SEMA5A: variants seen among roughly 807,000 people sequenced by gnomAD.
SEMA5A encodes the protein semaphorin 5A.
Under a neutral mutation model 135.5 loss-of-function variants are expected in SEMA5A, and 55 were observed. That is an observed-to-expected ratio of 0.41 (90% CI 0.33 to 0.51). The LOEUF (loss-of-function observed/expected upper bound fraction) is 0.51, where lower values mean the gene tolerates loss of function less well. Among genes scored for constraint, SEMA5A ranks in the 20% least tolerant of loss-of-function variants. The pLI is 0.37. For missense variants in SEMA5A, 1,290 were observed against 1,419.9 expected (o/e 0.91, Z 1.47); for synonymous variants, 580 against 546.5 (o/e 1.06, Z -0.85).
At position 9,335,995 on chromosome 5, in the gene SEMA5A, TA is replaced by T. The variant is rs563519278; in HGVS notation, c.224+1717del. 5.7e-3 allele frequency among the ~76,000 whole-genome samples: 834 copies of T among 145,420 alleles called. 6 individuals carry two copies. The highest frequency in any genetic ancestry group is 0.017 in the African/African-American group (696 of 39,816). On this transcript the variant is annotated intron_variant, in intron 4 of 22. Transcript: ENST00000382496. Reference sequence around the variant, plus strand: ...TGCAATATTGTACATTAAGTGCAGTTAAAAAAAAAAAGTAGATGTCCAGTAT... The same window carrying T: ...TGCAATATTGTACATTAAGTGCAGTTAAAAAAAAAAGTAGATGTCCAGTAT...
chr5:9,332,132 A>G (rs950937088), intron 4 of SEMA5A, among the ~76,000 whole-genome samples: 6 of 151,690 alleles, frequency 4.0e-5, no homozygotes, highest in African/African-American at 1.5e-4. Context: ...TGGTACTCAC[A>G]CTGGGTCAGG....
At chr5:9,501,425 A>C (rs981411886) in intron 1 of SEMA5A, among the ~76,000 whole-genome samples, 1 of 152,220 alleles carries the variant, frequency 6.6e-6, no homozygotes, top group African/African-American at 2.4e-5. Context: ...TACTGTATTA[A>C]GTATACATAT....
intron 16 of SEMA5A, among the ~76,000 whole-genome samples, chr5:9,077,073 CTT>C (rs1738108279): frequency 6.6e-6 from 1 of 152,288 alleles, no homozygotes; most frequent in South Asian, 2.1e-4. Flanking sequence ...CACAGGGTAA[CTT>C]AGGAGAACTT....
At chr5:9,217,033 T>G (rs1414037183) in intron 8 of SEMA5A, among the ~76,000 whole-genome samples, 1 of 152,202 alleles carries the variant, frequency 6.6e-6, no homozygotes, top group African/African-American at 2.4e-5. Flanking sequence ...TGTTGTTAGC[T>G]GGTTATTATG....
At position 9,309,770 on chromosome 5, in the gene SEMA5A, C is replaced by T. The variant is rs188187923; in HGVS notation, c.270+8602G>A. On this transcript the variant is annotated intron_variant, in intron 5 of 22. Transcript: ENST00000382496. Reference sequence around the variant, plus strand: ...CTCTGAAACTAGTAAAATCTTAGTCCTCATCTACATAAAATATACATAATC... The same window carrying T: ...CTCTGAAACTAGTAAAATCTTAGTCTTCATCTACATAAAATATACATAATC... Among the ~76,000 whole-genome samples the T allele has an allele frequency of 2.6e-5, 4 of 152,168 alleles. No individual in the cohort carries two copies. The East Asian group carries it at 7.7e-4, about 29-fold the overall frequency.
At chr5:9,537,906 C>T (rs1197993964) in intron 1 of SEMA5A, among the ~76,000 whole-genome samples, 3 of 152,202 alleles carry the variant, frequency 2.0e-5, no homozygotes, top group African/African-American at 4.8e-5. Context: ...TCCCCAAAGC[C>T]ATGCTGAGTG....
chr5:9,156,970 T>C (rs944897762), intron 11 of SEMA5A, among the ~76,000 whole-genome samples: 4 of 152,230 alleles, frequency 2.6e-5, no homozygotes, highest in African/African-American at 9.6e-5. Context: ...TTTTACTGCA[T>C]ATTTCTGCAT....
chr5:9,391,960 G>A (rs911252212), intron 2 of SEMA5A, among the ~76,000 whole-genome samples: 4 of 151,868 alleles, frequency 2.6e-5, no homozygotes, highest in African/African-American at 4.8e-5. Flanking sequence ...CTGTGCTCCC[G>A]CCACACACAT....
chr5:9,073,787 T>C (rs1258287258), intron 16 of SEMA5A, among the ~76,000 whole-genome samples: 4 of 152,096 alleles, frequency 2.6e-5, no homozygotes, highest in Non-Finnish European at 5.9e-5. Context: ...AATGTAAATA[T>C]AAAATATTAT....
intron 2 of SEMA5A, among the ~76,000 whole-genome samples, chr5:9,395,374 T>G (rs930511872): frequency 1.3e-5 from 2 of 152,236 alleles, no homozygotes; most frequent in South Asian, 2.1e-4. Context: ...TCATGTAAAG[T>G]TGGGCCAAAA....
At chr5:9,096,746 T>TA (rs963708950) in intron 16 of SEMA5A, among the ~76,000 whole-genome samples, 25 of 151,638 alleles carry the variant, frequency 1.6e-4, no homozygotes, top group African/African-American at 4.1e-4. Flanking sequence ...TACAACATGA[T>TA]AAAAAAAATA....
intron 1 of SEMA5A, among the ~76,000 whole-genome samples, chr5:9,442,030 C>A (rs529915169): frequency 5.6e-4 from 86 of 152,260 alleles, no homozygotes; most frequent in Admixed American, 2.0e-3. Context: ...GGGTAAAAAG[C>A]CGCCACCAGA....
At chr5:9,421,172 C>A (rs1362894650) in intron 2 of SEMA5A, among the ~76,000 whole-genome samples, 1 of 152,212 alleles carries the variant, frequency 6.6e-6, no homozygotes, top group African/African-American at 2.4e-5. Context: ...TCTGTATCTT[C>A]CTCCATGTTT....
rs113489169 is a variant in SEMA5A, at chr5:9,176,450, G to C, written c.1273+13817C>G. The stretch of plus-strand genomic sequence containing the variant: ...TAGCTGGCATCCTGATTGCAGCCTA[G>C]TGAAACCCTGAACGGAGGACCCAGC... On this transcript the variant is annotated intron_variant, in intron 11 of 22. Transcript: ENST00000382496. 5.0e-3 allele frequency among the ~76,000 whole-genome samples: 760 copies of C among 152,348 alleles called. 8 individuals are homozygous for C. Among genetic ancestry groups the C allele is most frequent in the African/African-American group, 0.018 (732 of 41,576 alleles).
At chr5:9,071,123 A>T (rs755219592) in intron 16 of SEMA5A, among the ~76,000 whole-genome samples, 1 of 152,226 alleles carries the variant, frequency 6.6e-6, no homozygotes, top group African/African-American at 2.4e-5. Context: ...AATGCTTACT[A>T]AAGCAATTAT....
Position 9,378,237 on chromosome 5 carries a change from G to A in SEMA5A, c.124+1586C>T, listed in dbSNP as rs954548246. On this transcript the variant is annotated intron_variant, in intron 3 of 22. Transcript: ENST00000382496. Reference sequence around the variant, plus strand: ...ATAAAAGTATAAATTGATGGGGGGCGGGGAACATTTATTTTGCCTTTCCTG... The same window carrying A: ...ATAAAAGTATAAATTGATGGGGGGCAGGGAACATTTATTTTGCCTTTCCTG... 3.3e-5 allele frequency among the ~76,000 whole-genome samples: 5 copies of A among 152,150 alleles called. No homozygotes were observed. In the South Asian group the frequency reaches 6.3e-4, roughly 19 times the overall value.
At chr5:9,074,363 C>T (rs1002555629) in intron 16 of SEMA5A, among the ~76,000 whole-genome samples, 2 of 151,926 alleles carry the variant, frequency 1.3e-5, no homozygotes, top group Non-Finnish European at 2.9e-5. Flanking sequence ...GGATCATAGC[C>T]CAATATCTAA....
At chr5:9,145,900 C>T (rs955940989) in intron 12 of SEMA5A, among the ~76,000 whole-genome samples, 1 of 151,890 alleles carries the variant, frequency 6.6e-6, no homozygotes, top group Non-Finnish European at 1.5e-5. Flanking sequence ...CCTCCTTGGC[C>T]TCCCAAAGTG....
chr5:9,332,434 G>A (rs1266696282), intron 4 of SEMA5A, among the ~76,000 whole-genome samples: 3 of 151,206 alleles, frequency 2.0e-5, no homozygotes. Flanking sequence ...CTTTAGGCTA[G>A]TACTCACATT....
Sources: gnomAD v4.1 joint callset for allele counts (sites outside exome capture counted in the v4.1 genomes callset) on GRCh38, gnomAD v4.1.1 for gene constraint, MANE v1.5 for transcripts, NCBI Gene and HGNC (gene_info 2026-07-23, HGNC 2026-07-21) for gene names.